The following LINGO3 variants were observed in gnomAD, a reference collection of about 807,000 sequenced individuals.
The protein encoded by LINGO3 is leucine-rich repeat and immunoglobulin-like domain-containing nogo receptor-interacting protein 3.
For synonymous variants in LINGO3, 427 were observed against 444.2 expected (o/e 0.96, Z 0.49); for missense variants, 750 against 867.7 (o/e 0.86, Z 1.70).
chr19:2,291,649 C>A, exon 1 of LINGO3: 2 of 1,415,342 alleles, frequency 1.4e-6, no homozygotes, highest in Non-Finnish European at 1.8e-6. Flanking sequence ...GGTCAGGCGG[C>A]GGCGCGTGCA....
chr19:2,306,799 C>T, the LINGO3 span, among the ~76,000 whole-genome samples: 4 of 152,078 alleles, frequency 2.6e-5, no homozygotes, highest in South Asian at 2.1e-4. Flanking sequence ...CCCACATCAT[C>T]GAGATGGGGA....
the LINGO3 span, among the ~76,000 whole-genome samples, chr19:2,298,567 G>A: frequency 5.9e-5 from 7 of 118,790 alleles, no homozygotes; most frequent in South Asian, 1.8e-3. Flanking sequence ...TTGACATAGA[G>A]TCTTGCTCTG....
upstream of LINGO3, among the ~76,000 whole-genome samples, chr19:2,293,546 G>A (rs949197763): frequency 4.6e-5 from 7 of 151,330 alleles, no homozygotes; most frequent in Middle Eastern, 3.4e-3. Context: ...TTTTAGTACA[G>A]ATGGGGTTTT....
upstream of LINGO3, among the ~76,000 whole-genome samples, chr19:2,296,000 C>T (rs960087766): frequency 1.3e-5 from 2 of 152,024 alleles, no homozygotes; most frequent in South Asian, 2.1e-4. Context: ...AGGGAGGGAG[C>T]GAGAGAGGGG....
At position 2,291,838 on chromosome 19, in the gene LINGO3, G is replaced by GA; in HGVS notation, c.-63dup. On this transcript the variant is annotated 5_prime_UTR_variant, in exon 1 of 1. Coordinates refer to ENST00000585527, the Ensembl canonical transcript of LINGO3. ...TCCTGCGCACCTGCGGGCGGGCGGG[G>GA]AGCGGGCAGCGTTAGCACCGTTAGC... The GA allele has an allele frequency of 7.2e-7, 1 of 1,397,770 alleles. No individual in the cohort carries two copies. The highest frequency in any genetic ancestry group is 9.6e-7 in the Non-Finnish European group (1 of 1,042,136). 86.6% of individuals were successfully genotyped at this position (1,397,770 alleles called of 1,614,324 possible).
chr19:2,301,202 G>A, the LINGO3 span, among the ~76,000 whole-genome samples: 7 of 152,254 alleles, frequency 4.6e-5, no homozygotes, highest in Middle Eastern at 3.4e-3. Flanking sequence ...GGTTTACACC[G>A]TCTGCCGGGT....
chr19:2,297,165 G>A, the LINGO3 span, among the ~76,000 whole-genome samples: 12 of 151,790 alleles, frequency 7.9e-5, no homozygotes, highest in African/African-American at 2.2e-4. Flanking sequence ...CCATCTGTTG[G>A]CCTGCAAGAC....
the LINGO3 span, among the ~76,000 whole-genome samples, chr19:2,300,023 C>CTT: frequency 0.57 from 54,283 of 95,706 alleles, 18,283 homozygotes; most frequent in Non-Finnish European, 0.74. Flanking sequence ...TGCCTGGCCT[C>CTT]TTTTTTTTTT....
chr19:2,291,418 C>G (rs748760022), exon 1 of LINGO3: 1 of 1,613,426 alleles, frequency 6.2e-7, no homozygotes, highest in Non-Finnish European at 8.5e-7. Flanking sequence ...CGTGAAGACC[C>G]CGGGCGGGAT....
At position 2,290,341 on chromosome 19, in the gene LINGO3, G is replaced by T; in HGVS notation, c.1436C>A (p.Thr479Lys). 6.5e-7 allele frequency: 1 copy of T among 1,535,238 alleles called. No homozygotes were observed. The highest frequency in any genetic ancestry group is 8.7e-7 in the Non-Finnish European group (1 of 1,148,684). Reference sequence around the variant, plus strand: ...GCCGCCCGCGTTGCTGGCCACGCACGTGTAGGTGCCGCTGTCCTGCGGCCG... The same window carrying T: ...GCCGCCCGCGTTGCTGGCCACGCACTTGTAGGTGCCGCTGTCCTGCGGCCG... Residue 479 changes from threonine (T) to lysine (K), a missense_variant, in exon 1 of 1, where the codon ACG becomes AAG. Physicochemically the swap from Thr to Lys is moderately conservative, Grantham distance 78. Transcript: ENST00000585527. The surrounding 1 kb of genome is among the most constrained non-coding windows in gnomAD (Gnocchi z 6.0).
chr19:2,298,955 C>T, the LINGO3 span, among the ~76,000 whole-genome samples: 1 of 152,166 alleles, frequency 6.6e-6, no homozygotes, highest in African/African-American at 2.4e-5. Context: ...GATCCAGTGG[C>T]AGAAGTGCCT....
rs761549071 is a variant in LINGO3 at position 2,290,280 on chromosome 19, G to C, written c.1497C>G (p.Pro499=). The change falls in exon 1 of 1, where the codon CCC becomes CCG. Residue 499 remains proline (P), a synonymous_variant. Transcript: ENST00000585527. The surrounding 1 kb of genome is among the most constrained non-coding windows in gnomAD (Gnocchi z 6.0). ...CCGGGGTCCGGTTGGCGGCCGGCTC[G>C]GGGCGCACGGTCAGCGTGGCGAAGT... 5.0e-6 allele frequency: 8 copies of C among 1,589,120 alleles called. No individual in the cohort carries two copies. The highest frequency in any genetic ancestry group is 2.2e-5 in the South Asian group (2 of 89,552).
upstream of LINGO3, among the ~76,000 whole-genome samples, chr19:2,296,291 C>T: frequency 6.6e-6 from 1 of 152,104 alleles, no homozygotes; most frequent in Non-Finnish European, 1.5e-5. Flanking sequence ...AACCTGCCCA[C>T]AGCCCAGGTG....
At chr19:2,304,374 T>C in the LINGO3 span, among the ~76,000 whole-genome samples, 1 of 151,944 alleles carries the variant, frequency 6.6e-6, no homozygotes. Flanking sequence ...GTTGGCAGAA[T>C]GAAGGCCTCC....
chr19:2,290,522 C>A lies in LINGO3; in HGVS notation c.1255G>T (p.Ala419Ser). 6.6e-7 allele frequency: 1 copy of A among 1,511,456 alleles called. No individual in the cohort carries two copies. 93.6% of individuals were successfully genotyped at this position (1,511,456 alleles called of 1,614,324 possible). A position where few individuals can be genotyped will look rare whatever the true frequency, so the allele number is the denominator to read the frequency against. Residue 419 changes from alanine (A) to serine (S), a missense_variant, in exon 1 of 1, where the codon GCC becomes TCC. Physicochemically the swap from Ala to Ser is moderately conservative, Grantham distance 99 (BLOSUM62 1). Transcript: ENST00000585527. This position sits in a 1 kb window ranked among gnomAD's most constrained non-coding sequence, Gnocchi z 6.0. The stretch of plus-strand genomic sequence containing the variant: ...AAGCGGACGTCTTCGCCCGCGGTGG[C>A]CGTGACGCGCTGCAGCCGCCGCTCC...
At chr19:2,297,852 G>A in the LINGO3 span, among the ~76,000 whole-genome samples, 5 of 151,682 alleles carry the variant, frequency 3.3e-5, no homozygotes, top group Admixed American at 1.3e-4. Context: ...TGATCCACCC[G>A]CCTCGGCCTC....
exon 1 of LINGO3, chr19:2,291,488 C>A (rs755322420): frequency 1.2e-6 from 2 of 1,611,948 alleles, no homozygotes; most frequent in Non-Finnish European, 1.7e-6. Context: ...TTGGCGAAGG[C>A]GCCGGGCTCC....
upstream of LINGO3, among the ~76,000 whole-genome samples, chr19:2,292,423 A>G (rs887471346): frequency 4.1e-5 from 6 of 146,982 alleles, no homozygotes; most frequent in African/African-American, 1.5e-4. Flanking sequence ...AAAAAAAAAA[A>G]AAGCAGCATT....
chr19:2,306,728 A>G, the LINGO3 span, among the ~76,000 whole-genome samples: 1 of 152,068 alleles, frequency 6.6e-6, no homozygotes. Flanking sequence ...CAGGGCAGGG[A>G]AGGCTGAGTT....
Sources: allele counts gnomAD v4.1 joint callset (sites outside exome capture counted in the v4.1 genomes callset), GRCh38; gene constraint gnomAD v4.1.1; non-coding constraint Gnocchi (gnomAD v3.1); transcripts MANE v1.5; gene names NCBI Gene and HGNC (gene_info 2026-07-23, HGNC 2026-07-21).